Variants in PDE4D observed in about 807,000 individuals in gnomAD.
PDE4D encodes phosphodiesterase 4D, also known as 3',5'-cyclic-AMP phosphodiesterase 4D.
Under a neutral mutation model 87.4 loss-of-function variants are expected in PDE4D, and 24 were observed. The ratio of observed to expected loss-of-function variants is 0.27; its 90% CI spans 0.20 to 0.39. The LOEUF (loss-of-function observed/expected upper bound fraction) is 0.39. Ranked by LOEUF, PDE4D falls within the 10% of genes least tolerant of loss-of-function variation. PDE4D has a pLI of 1.00. For synonymous variants in PDE4D, 384 were observed against 383.2 expected (o/e 1.00, Z -0.02); for missense variants, 714 against 1,041.0 (o/e 0.69, Z 4.32).
At chr5:59,809,854 T>C (rs1210285796) in intron 1 of PDE4D, among the ~76,000 whole-genome samples, 5 of 152,184 alleles carry the variant, frequency 3.3e-5, no homozygotes, top group Non-Finnish European at 4.4e-5. Context: ...TCCAAACTAT[T>C]AACCTTTCAT....
At chr5:59,419,776 T>C (rs564939019) in intron 1 of PDE4D, among the ~76,000 whole-genome samples, 6 of 152,330 alleles carry the variant, frequency 3.9e-5, no homozygotes, top group East Asian at 3.9e-4. Context: ...TCTGTAAACA[T>C]AGATACATCT....
intron 2 of PDE4D, among the ~76,000 whole-genome samples, chr5:60,131,466 C>A (rs192054525): frequency 6.6e-6 from 1 of 152,306 alleles, no homozygotes; most frequent in East Asian, 1.9e-4. Flanking sequence ...TCAAGCAATG[C>A]AAGAATGAAG....
chr5:59,255,670 T>C (rs1377728536), intron 1 of PDE4D, among the ~76,000 whole-genome samples: 3 of 152,020 alleles, frequency 2.0e-5, no homozygotes, highest in Admixed American at 6.6e-5. Context: ...AAGTGCAAAA[T>C]ACAAACTGCA....
intron 1 of PDE4D, among the ~76,000 whole-genome samples, chr5:59,560,654 G>A (rs915912952): frequency 6.6e-6 from 1 of 152,188 alleles, no homozygotes; most frequent in Admixed American, 6.5e-5. Context: ...TCAGGTCTGG[G>A]GCCTGGAGGA....
intron 5 of PDE4D, among the ~76,000 whole-genome samples, chr5:59,119,254 C>A (rs1184167886): frequency 2.0e-5 from 3 of 152,056 alleles, no homozygotes; most frequent in Non-Finnish European, 4.4e-5. Flanking sequence ...ATCCAGGAAT[C>A]TTTCTAATGA....
intron 1 of PDE4D, among the ~76,000 whole-genome samples, chr5:59,535,026 A>G (rs1814900044): frequency 7.0e-6 from 1 of 141,994 alleles, no homozygotes; most frequent in South Asian, 2.3e-4. Context: ...CATGCAAACT[A>G]TTGAGGACAA....
At chr5:60,116,747 T>C (rs2149369046) in intron 2 of PDE4D, among the ~76,000 whole-genome samples, 1 of 152,156 alleles carries the variant, frequency 6.6e-6, no homozygotes, top group East Asian at 1.9e-4. Flanking sequence ...TTTGGGAAAT[T>C]GCAAACTCAT....
intron 1 of PDE4D, among the ~76,000 whole-genome samples, chr5:59,688,394 T>C (rs1306462162): frequency 1.3e-5 from 2 of 152,152 alleles, no homozygotes; most frequent in African/African-American, 4.8e-5. Context: ...GCAATCAAAC[T>C]AGAATTCAGG....
At chr5:59,586,491 C>T in intron 1 of PDE4D, 1 of 1,120,862 alleles carries the variant, frequency 8.9e-7, no homozygotes, top group Middle Eastern at 3.4e-4. Context: ...ATTATTGCAA[C>T]AAGTATTGAA....
At chr5:60,129,540 G>C (rs1655752373) in intron 2 of PDE4D, among the ~76,000 whole-genome samples, 1 of 152,096 alleles carries the variant, frequency 6.6e-6, no homozygotes, top group African/African-American at 2.4e-5. Flanking sequence ...CATGATGTAA[G>C]AGCCCATCTA....
chr5:59,635,211 A>G (rs1832079387), intron 1 of PDE4D, among the ~76,000 whole-genome samples: 1 of 152,224 alleles, frequency 6.6e-6, no homozygotes, highest in South Asian at 2.1e-4. Flanking sequence ...CCCTGAATAG[A>G]CCAATAACAA....
intron 1 of PDE4D, among the ~76,000 whole-genome samples, chr5:59,694,098 C>G (rs1270836263): frequency 6.6e-6 from 1 of 152,174 alleles, no homozygotes; most frequent in Non-Finnish European, 1.5e-5. Context: ...GTCTGTGACA[C>G]AATTCTTCAC....
intron 1 of PDE4D, among the ~76,000 whole-genome samples, chr5:60,449,665 T>C (rs1235369504): frequency 1.4e-5 from 2 of 138,878 alleles, no homozygotes; most frequent in African/African-American, 2.7e-5. Context: ...AAATAAAAAA[T>C]AAATAAAATA....
At chr5:59,534,405 A>C (rs1814774571) in intron 1 of PDE4D, among the ~76,000 whole-genome samples, 1 of 152,146 alleles carries the variant, frequency 6.6e-6, no homozygotes, top group Admixed American at 6.5e-5. Context: ...CCTGCATTCC[A>C]ATTGTTATAA....
At chr5:59,456,226 C>T (rs1270254395) in intron 1 of PDE4D, among the ~76,000 whole-genome samples, 3 of 152,150 alleles carry the variant, frequency 2.0e-5, no homozygotes, top group Non-Finnish European at 4.4e-5. Context: ...TCCAACAATT[C>T]CCATGTGTCG....
intron 1 of PDE4D, among the ~76,000 whole-genome samples, chr5:60,476,889 ATGTC>A (rs1748376334): frequency 6.6e-6 from 1 of 152,184 alleles, no homozygotes; most frequent in Non-Finnish European, 1.5e-5. Flanking sequence ...CATTTGTTTA[ATGTC>A]TGTCAATCCC....
intron 1 of PDE4D, among the ~76,000 whole-genome samples, chr5:59,679,112 G>A (rs903391421): frequency 3.3e-5 from 5 of 152,036 alleles, no homozygotes; most frequent in South Asian, 2.1e-4. Flanking sequence ...AAAAGTCAAC[G>A]TTTACTTTTA....
intron 6 of PDE4D, among the ~76,000 whole-genome samples, chr5:59,030,050 G>C (rs1386542242): frequency 1.3e-5 from 2 of 151,932 alleles, no homozygotes; most frequent in Admixed American, 6.6e-5. Flanking sequence ...AGATATAAAG[G>C]CTTAAACATA....
intron 2 of PDE4D, among the ~76,000 whole-genome samples, chr5:59,203,485 G>C (rs1471520638): frequency 6.6e-6 from 1 of 151,734 alleles, no homozygotes; most frequent in East Asian, 1.9e-4. Context: ...TCTACTTCTG[G>C]GTATATATCC....
Sources: gnomAD v4.1 joint callset for allele counts (sites outside exome capture counted in the v4.1 genomes callset) on GRCh38, gnomAD v4.1.1 for gene constraint, MANE v1.5 for transcripts, NCBI Gene and HGNC (gene_info 2026-07-23, HGNC 2026-07-21) for gene names.